The following AMPH variants were observed in gnomAD, a reference collection of about 807,000 sequenced individuals.
AMPH encodes the protein amphiphysin (Stiff-Mann syndrome with breast cancer 128kD autoantigen).
In AMPH, 49 loss-of-function variants were observed where a neutral mutation model predicts 99.1. The observed-to-expected ratio is 0.49, with a 90% CI of 0.39 to 0.63. The LOEUF (loss-of-function observed/expected upper bound fraction) is 0.63. Ranked by LOEUF, AMPH falls within the 20% of genes least tolerant of loss-of-function variation. The pLI is 0.00. For missense variants in AMPH, 759 were observed against 863.4 expected (o/e 0.88, Z 1.52); for synonymous variants, 314 against 317.3 (o/e 0.99, Z 0.11).
intron 1 of AMPH, among the ~76,000 whole-genome samples, chr7:38,575,924 A>T (rs1442442566): frequency 6.6e-6 from 1 of 152,172 alleles, no homozygotes; most frequent in African/African-American, 2.4e-5. Context: ...CCTGGTAGGG[A>T]TATGGTGGCA....
intron 2 of AMPH, among the ~76,000 whole-genome samples, chr7:38,516,582 C>T (rs1350484396): frequency 1.3e-5 from 2 of 152,246 alleles, no homozygotes; most frequent in African/African-American, 4.8e-5. Flanking sequence ...AGAACCTCTA[C>T]TAGGGCAGTG....
chr7:38,589,648 T>A (rs116407531), intron 1 of AMPH, among the ~76,000 whole-genome samples: 2,550 of 152,270 alleles, frequency 0.017, 62 homozygotes, highest in African/African-American at 0.051. Flanking sequence ...GAAGATGAGG[T>A]TTTATTAAAA....
chr7:38,580,373 G>A (rs1792401603), intron 1 of AMPH, among the ~76,000 whole-genome samples: 2 of 152,004 alleles, frequency 1.3e-5, no homozygotes, highest in African/African-American at 4.8e-5. Flanking sequence ...GCAAAATAAA[G>A]GCCCTGGGAA....
chr7:38,601,581 C>T (rs1793248704), intron 1 of AMPH, among the ~76,000 whole-genome samples: 1 of 151,972 alleles, frequency 6.6e-6, no homozygotes, highest in South Asian at 2.1e-4. Context: ...TCTTTCAAGC[C>T]CTCCCAGTAT....
chr7:38,590,305 G>A (rs1792807804), intron 1 of AMPH, among the ~76,000 whole-genome samples: 3 of 152,178 alleles, frequency 2.0e-5, no homozygotes, highest in South Asian at 4.1e-4. Context: ...GAGCAGCAAC[G>A]GATGCCTCGC....
chr7:38,560,581 G>A (rs1791519389), intron 1 of AMPH, among the ~76,000 whole-genome samples: 1 of 152,190 alleles, frequency 6.6e-6, no homozygotes, highest in African/African-American at 2.4e-5. Context: ...AACGTAACTT[G>A]GGCCACATTC....
At chr7:38,516,023 T>A (rs1281871967) in intron 2 of AMPH, among the ~76,000 whole-genome samples, 1 of 152,248 alleles carries the variant, frequency 6.6e-6, no homozygotes, top group Admixed American at 6.5e-5. Context: ...ATGCTTATAT[T>A]CATGAGCAAA....
chr7:38,499,240 C>T (rs1243221218), intron 3 of AMPH, among the ~76,000 whole-genome samples: 1 of 152,160 alleles, frequency 6.6e-6, no homozygotes, highest in Non-Finnish European at 1.5e-5. Flanking sequence ...GGCACTATGT[C>T]TTGTTCATCT....
intron 16 of AMPH, among the ~76,000 whole-genome samples, chr7:38,420,059 G>A (rs945313656): frequency 6.6e-5 from 10 of 152,074 alleles, no homozygotes; most frequent in African/African-American, 2.4e-4. Context: ...GAGAACATAG[G>A]ATTGCTTATG....
At chr7:38,439,066 G>C (rs954187985) in intron 11 of AMPH, among the ~76,000 whole-genome samples, 4 of 152,130 alleles carry the variant, frequency 2.6e-5, no homozygotes, top group Admixed American at 6.5e-5. Context: ...GTTCTCATGA[G>C]AGTTGATGGT....
chr7:38,582,128 T>TG (rs1015596282), intron 1 of AMPH, among the ~76,000 whole-genome samples: 2 of 151,984 alleles, frequency 1.3e-5, no homozygotes, highest in Non-Finnish European at 2.9e-5. Context: ...GCCTGAGCCA[T>TG]GGGAAACTCC....
At chr7:38,399,620 T>C (rs1016174987) in intron 17 of AMPH, among the ~76,000 whole-genome samples, 3 of 152,244 alleles carry the variant, frequency 2.0e-5, no homozygotes, top group African/African-American at 7.2e-5. Context: ...AAAAACATTT[T>C]CTATGCTCTG....
intron 11 of AMPH, among the ~76,000 whole-genome samples, chr7:38,449,670 A>C (rs1786930811): frequency 6.6e-6 from 1 of 152,220 alleles, no homozygotes; most frequent in Non-Finnish European, 1.5e-5. Flanking sequence ...CAATGAACTG[A>C]CTAAATTTGG....
chr7:38,610,326 GAAA>G (rs11317505), intron 1 of AMPH, among the ~76,000 whole-genome samples: 1 of 27,392 alleles, frequency 3.7e-5, no homozygotes, highest in Admixed American at 4.3e-4. Flanking sequence ...GAAAAGAAAA[GAAA>G]AGAAAAAAGA....
intron 2 of AMPH, among the ~76,000 whole-genome samples, chr7:38,524,159 C>T (rs1374364719): frequency 6.6e-6 from 1 of 152,054 alleles, no homozygotes; most frequent in African/African-American, 2.4e-5. Context: ...ATTATTAACA[C>T]GAAGCTAATT....
Position 38,559,142 on chromosome 7 carries a change from G to A in AMPH, c.70-24131C>T, listed in dbSNP as rs140992429. On this transcript the variant is annotated intron_variant, in intron 1 of 20. Transcript: ENST00000356264. ...AGGTTCCTAGGGACCCACAAAGTGT[G>A]CAGCTTGCCAGCTGCCAGCATTTTG... Among the ~76,000 whole-genome samples the A allele has an allele frequency of 2.7e-3, 417 of 152,334 alleles. 6 individuals carry two copies. The highest frequency in any genetic ancestry group is 9.3e-3 in the African/African-American group (385 of 41,570).
At chr7:38,610,251 A>G (rs868010600) in intron 1 of AMPH, among the ~76,000 whole-genome samples, 3 of 31,234 alleles carry the variant, frequency 9.6e-5, no homozygotes, top group South Asian at 5.4e-4. Context: ...AAAAAAAAAA[A>G]AAAAAAAAAA....
At chr7:38,592,759 C>A (rs979649088) in intron 1 of AMPH, among the ~76,000 whole-genome samples, 1 of 151,920 alleles carries the variant, frequency 6.6e-6, no homozygotes, top group African/African-American at 2.4e-5. Flanking sequence ...TCAGTTTCTC[C>A]CACTGTGTGG....
intron 1 of AMPH, among the ~76,000 whole-genome samples, chr7:38,538,741 C>T (rs1017597893): frequency 2.0e-5 from 3 of 152,132 alleles, no homozygotes; most frequent in Admixed American, 2.0e-4. Context: ...TACATAATGG[C>T]TTATGGGATG....
Sources: gnomAD v4.1 joint callset for allele counts (sites outside exome capture counted in the v4.1 genomes callset) on GRCh38, gnomAD v4.1.1 for gene constraint, MANE v1.5 for transcripts, NCBI Gene and HGNC (gene_info 2026-07-23, HGNC 2026-07-21) for gene names.